Variants in RHOU observed in about 807,000 individuals in gnomAD.
RHOU encodes the protein ras homolog family member U.
Under a neutral mutation model 12.6 loss-of-function variants are expected in RHOU, and 8 were observed. The ratio of observed to expected loss-of-function variants is 0.64; its 90% CI spans 0.37 to 1.15. RHOU has a LOEUF of 1.15. RHOU is among the 50% of genes most tolerant of loss of function. RHOU has a pLI of 0.01. For missense variants in RHOU, 258 were observed against 347.0 expected (o/e 0.74, Z 2.04); for synonymous variants, 161 against 147.4 (o/e 1.09, Z -0.67).
chr1:228,743,523 C>A lies in RHOU; in HGVS notation c.560C>A (p.Ala187Glu), dbSNP rs150269150. The change falls in exon 3 of 3, where the codon GCG (alanine) becomes GAG (glutamate). Residue 187 changes from alanine to glutamate, a missense_variant. Coordinates refer to ENST00000366691, the MANE Select transcript of RHOU (RefSeq NM_021205.6). This position sits in a 1 kb window ranked among gnomAD's most constrained non-coding sequence, Gnocchi z 5.1. ...AAAGAAAAGCCAGTGCCTGAAGAGG[C>A]GGCTAAGCTGTGCGCCGAGGAAATC... ...KCKEKPVPEE[A>E]AKLCAEEIKA... 2.2e-5 allele frequency: 36 copies of A among 1,614,158 alleles called. No homozygotes were observed. The highest frequency in any genetic ancestry group is 3.1e-5 in the Non-Finnish European group (36 of 1,180,046).
chr1:228,649,611 C>G, the RHOU span, among the ~76,000 whole-genome samples: 6 of 152,266 alleles, frequency 3.9e-5, no homozygotes, highest in Non-Finnish European at 7.4e-5. Flanking sequence ...ACATTTGATG[C>G]TGTTTTGATA....
At chr1:228,669,497 G>C in the RHOU span, among the ~76,000 whole-genome samples, 1 of 152,210 alleles carries the variant, frequency 6.6e-6, no homozygotes, top group East Asian at 1.9e-4. Flanking sequence ...AGCCAGCACA[G>C]CTAAACCTAA....
Position 228,745,526 on chromosome 1 carries a change from ATTTCT to A in RHOU, c.*1789_*1793del, listed in dbSNP as rs1662811749. The A allele has an allele frequency of 6.6e-6, 1 of 152,232 alleles. No individual in the cohort carries two copies. The highest frequency in any genetic ancestry group is 2.4e-5 in the African/African-American group (1 of 41,466). 9.4% of individuals were successfully genotyped at this position (152,232 alleles called of 1,614,324 possible). A position where few individuals can be genotyped will look rare whatever the true frequency, so the allele number is the denominator to read the frequency against. Reference sequence around the variant, plus strand: ...TCCTGTTAGTAAATAAAATTAACAAATTTCTTTGTTTAACAAAAGATTAATCTTTA... The same window carrying A: ...TCCTGTTAGTAAATAAAATTAACAAATTGTTTAACAAAAGATTAATCTTTA... On this transcript the variant is annotated 3_prime_UTR_variant, in exon 3 of 3. Transcript: ENST00000366691.
At chr1:228,670,704 A>C in the RHOU span, among the ~76,000 whole-genome samples, 1 of 152,094 alleles carries the variant, frequency 6.6e-6, no homozygotes, top group Non-Finnish European at 1.5e-5. Flanking sequence ...TCGAGTTGTG[A>C]TTCTCAGTGT....
the RHOU span, among the ~76,000 whole-genome samples, chr1:228,676,246 C>A: frequency 6.6e-6 from 1 of 151,522 alleles, no homozygotes; most frequent in African/African-American, 2.4e-5. Flanking sequence ...ACTGAGATTA[C>A]AGGTGTGAGC....
At chr1:228,728,894 CTTTTCTTTTTTTT>C in the RHOU span, among the ~76,000 whole-genome samples, 11 of 144,698 alleles carry the variant, frequency 7.6e-5, no homozygotes, top group African/African-American at 2.7e-4. Context: ...AATTTCTTTT[CTTTTCTTTTTTTT>C]TTTTTGGAGA....
chr1:228,700,124 G>C, the RHOU span, among the ~76,000 whole-genome samples: 1 of 152,224 alleles, frequency 6.6e-6, no homozygotes, highest in South Asian at 2.1e-4. Flanking sequence ...TAGCCATCCA[G>C]GTTCTCCATG....
the RHOU span, chr1:228,687,579 G>A: frequency 1.3e-6 from 2 of 1,554,034 alleles, no homozygotes; most frequent in African/African-American, 2.7e-5. Flanking sequence ...GAATGCGATG[G>A]AGTGTGCATT....
At chr1:228,651,017 G>T in the RHOU span, 1 of 297,842 alleles carries the variant, frequency 3.4e-6, no homozygotes. Flanking sequence ...CCACTGTGAA[G>T]CTGGGTTCTC....
Position 228,743,973 on chromosome 1 carries a change from A to G in RHOU, c.*233A>G. 2.2e-6 allele frequency: 1 copy of G among 448,004 alleles called. No individual in the cohort carries two copies. Among genetic ancestry groups the G allele is most frequent in the East Asian group, 4.0e-5 (1 of 25,128 alleles). The allele number at this position is 448,004 out of a possible 1,614,324, so 27.8% of individuals were successfully genotyped here. On this transcript the variant is annotated 3_prime_UTR_variant, in exon 3 of 3. Coordinates refer to ENST00000366691, the MANE Select transcript of RHOU (RefSeq NM_021205.6). The surrounding 1 kb of genome is among the most constrained non-coding windows in gnomAD (Gnocchi z 5.1). ...TTTTGAAGTAAATTAAACATTTTTC[A>G]CATCTCTGGAAATTTAGAGTTCTAG...
At chr1:228,677,118 T>C in the RHOU span, among the ~76,000 whole-genome samples, 11 of 152,148 alleles carry the variant, frequency 7.2e-5, no homozygotes, top group Admixed American at 3.9e-4. Context: ...CAAGCGGGAT[T>C]GGGGTGGCGT....
the RHOU span, among the ~76,000 whole-genome samples, chr1:228,710,763 C>T: frequency 2.6e-5 from 4 of 151,800 alleles, no homozygotes; most frequent in South Asian, 2.1e-4. Context: ...GACAGGGATG[C>T]CCTCTCTCAC....
the RHOU span, among the ~76,000 whole-genome samples, chr1:228,705,179 C>G: frequency 5.9e-5 from 9 of 151,978 alleles, no homozygotes; most frequent in Non-Finnish European, 1.3e-4. Flanking sequence ...GTAGGCATCC[C>G]TGGAAGAGCC....
the RHOU span, among the ~76,000 whole-genome samples, chr1:228,716,758 A>G: frequency 6.8e-5 from 6 of 88,066 alleles, no homozygotes; most frequent in African/African-American, 4.4e-4. Flanking sequence ...ATGTGTGTGT[A>G]TATGTATGTA....
At chr1:228,671,653 G>A in the RHOU span, among the ~76,000 whole-genome samples, 1 of 139,554 alleles carries the variant, frequency 7.2e-6, no homozygotes, top group African/African-American at 2.7e-5. Context: ...GGAGGCGGAG[G>A]TTGCAGTGAG....
chr1:228,682,592 C>G, the RHOU span, among the ~76,000 whole-genome samples: 1 of 151,968 alleles, frequency 6.6e-6, no homozygotes, highest in Non-Finnish European at 1.5e-5. Flanking sequence ...AAAGAATCTT[C>G]TCAAGGGTGG....
the RHOU span, among the ~76,000 whole-genome samples, chr1:228,691,381 A>G: frequency 6.6e-5 from 10 of 152,024 alleles, no homozygotes; most frequent in Non-Finnish European, 1.5e-4. Flanking sequence ...CACTGGCCTA[A>G]AAGTCATCTG....
chr1:228,742,260 G>A lies in RHOU; in HGVS notation c.322-1025G>A, dbSNP rs187109081. On this transcript the variant is annotated intron_variant, in intron 2 of 2. Transcript: ENST00000366691. Reference sequence around the variant, plus strand: ...TACAGGGAACTATAGGATGTTTTCTGTAAAGAAATGGTAATTTGGAGAACA... The same window carrying A: ...TACAGGGAACTATAGGATGTTTTCTATAAAGAAATGGTAATTTGGAGAACA... 7.9e-5 allele frequency among the ~76,000 whole-genome samples: 12 copies of A among 152,356 alleles called. No homozygotes were observed. In the East Asian group the frequency reaches 2.3e-3, roughly 29 times the overall value.
Position 228,735,944 on chromosome 1 carries a change from AG to A in RHOU, c.203del (p.Ser68ThrfsTer30), listed in dbSNP as rs1447559289. On this transcript the variant is annotated frameshift_variant, in exon 1 of 3. Transcript: ENST00000366691. LOFTEE classifies it high-confidence loss of function. This position sits in a 1 kb window ranked among gnomAD's most constrained non-coding sequence, Gnocchi z 8.1. ...GAVGKTSLVV[S>X]YTTNGYPTEY... is the part of the protein sequence containing the mutation. ...GGTGGGCAAGACGAGCCTGGTGGTG[AG>A]CTACACCACCAACGGCTACCCCACC... 4 of 1,577,250 alleles carry A rather than the reference AG, an allele frequency of 2.5e-6. No homozygotes were observed. The African/African-American group carries it at 4.2e-5, about 17-fold the overall frequency.
Sources: gnomAD v4.1 joint callset for allele counts (sites outside exome capture counted in the v4.1 genomes callset) on GRCh38, gnomAD v4.1.1 for gene constraint, Gnocchi (gnomAD v3.1) non-coding constraint, MANE v1.5 for transcripts, NCBI Gene and HGNC (gene_info 2026-07-23, HGNC 2026-07-21) for gene names.